The following XKR9 variants were observed in gnomAD, a reference collection of about 807,000 sequenced individuals.
The protein encoded by XKR9 is XK-related protein 9.
Under a neutral mutation model 32.0 loss-of-function variants are expected in XKR9, and 32 were observed. The observed-to-expected ratio is 1.00, with a 90% confidence interval of 0.76 to 1.34. The LOEUF is 1.34. XKR9 is among the 40% of genes most tolerant of loss of function. The pLI is 0.00. For missense variants in XKR9, 546 were observed against 429.7 expected (o/e 1.27, Z -2.39); for synonymous variants, 168 against 143.4 (o/e 1.17, Z -1.22).
the XKR9 span, among the ~76,000 whole-genome samples, chr8:70,882,480 C>G: frequency 2.6e-5 from 4 of 151,326 alleles, no homozygotes; most frequent in African/African-American, 9.7e-5. Context: ...ACAGTACTGA[C>G]CCTTGTAAAA....
the XKR9 span, among the ~76,000 whole-genome samples, chr8:71,053,335 G>T: frequency 6.6e-6 from 1 of 152,194 alleles, no homozygotes; most frequent in African/African-American, 2.4e-5. Flanking sequence ...CTGATGTGAA[G>T]TCAATGATTC....
chr8:70,744,938 A>T (rs944074866), intron 2 of XKR9, among the ~76,000 whole-genome samples: 2 of 150,134 alleles, frequency 1.3e-5, no homozygotes, highest in Admixed American at 6.6e-5. Flanking sequence ...ATAGTTTTTT[A>T]AAAAGTCTAG....
chr8:70,704,389 T>C (rs1805647443), intron 3 of XKR9, among the ~76,000 whole-genome samples: 1 of 152,162 alleles, frequency 6.6e-6, no homozygotes, highest in Admixed American at 6.5e-5. Context: ...ATGTGTACAT[T>C]TGTAGACAGC....
At chr8:70,720,783 C>T (rs1806253382) in intron 4 of XKR9, among the ~76,000 whole-genome samples, 1 of 152,096 alleles carries the variant, frequency 6.6e-6, no homozygotes, top group Non-Finnish European at 1.5e-5. Flanking sequence ...TGTGTCTCTG[C>T]CATGTTTTGG....
chr8:70,699,948 G>C (rs1805454975), intron 3 of XKR9, among the ~76,000 whole-genome samples: 1 of 151,964 alleles, frequency 6.6e-6, no homozygotes, highest in Non-Finnish European at 1.5e-5. Flanking sequence ...TTCCATCACT[G>C]ATACCCTTTC....
chr8:70,881,220 A>C, the XKR9 span, among the ~76,000 whole-genome samples: 3 of 151,904 alleles, frequency 2.0e-5, no homozygotes, highest in African/African-American at 7.2e-5. Flanking sequence ...CAAGGACTTC[A>C]TGACTAAAAC....
the XKR9 span, among the ~76,000 whole-genome samples, chr8:71,023,137 C>A: frequency 6.6e-6 from 1 of 152,002 alleles, no homozygotes; most frequent in African/African-American, 2.4e-5. Context: ...TGTTGCTGGA[C>A]AATTATTGTG....
the XKR9 span, among the ~76,000 whole-genome samples, chr8:70,804,979 A>G: frequency 3.3e-5 from 5 of 152,194 alleles, no homozygotes; most frequent in East Asian, 9.6e-4. Flanking sequence ...ATACTGGCCA[A>G]TGGGTGAGGC....
chr8:70,952,222 C>T, the XKR9 span, among the ~76,000 whole-genome samples: 1 of 151,518 alleles, frequency 6.6e-6, no homozygotes, highest in Non-Finnish European at 1.5e-5. Flanking sequence ...AGTTACTCTA[C>T]TCTTTTTGTT....
chr8:71,054,240 C>G, the XKR9 span, among the ~76,000 whole-genome samples: 81 of 152,058 alleles, frequency 5.3e-4, 1 homozygote, highest in Non-Finnish European at 6.6e-4. Flanking sequence ...CCAGTCCATA[C>G]TAGTCTGAAG....
the XKR9 span, among the ~76,000 whole-genome samples, chr8:70,851,057 T>A: frequency 2.0e-5 from 3 of 152,194 alleles, no homozygotes; most frequent in Non-Finnish European, 2.9e-5. Context: ...CAAAAACTTG[T>A]TAAGCTGATA....
At chr8:70,963,854 G>A in the XKR9 span, among the ~76,000 whole-genome samples, 1 of 152,148 alleles carries the variant, frequency 6.6e-6, no homozygotes, top group African/African-American at 2.4e-5. Context: ...GTTCCTTGTA[G>A]ATACTGGATA....
the XKR9 span, among the ~76,000 whole-genome samples, chr8:70,824,379 T>C: frequency 1.3e-5 from 2 of 152,118 alleles, no homozygotes; most frequent in African/African-American, 4.8e-5. Context: ...TTCCCTTCTT[T>C]TTGTTAGGTC....
At chr8:70,883,387 CT>C in the XKR9 span, among the ~76,000 whole-genome samples, 2 of 151,782 alleles carry the variant, frequency 1.3e-5, no homozygotes, top group African/African-American at 2.4e-5. Flanking sequence ...GGTCAATAGA[CT>C]CTTAGGTTGG....
intron 2 of XKR9, among the ~76,000 whole-genome samples, chr8:70,787,541 T>G (rs1308777654): frequency 6.6e-6 from 1 of 152,058 alleles, no homozygotes; most frequent in Non-Finnish European, 1.5e-5. Context: ...TAGTCCTGAG[T>G]ACACAGTGCA....
chr8:70,843,980 G>C, the XKR9 span, among the ~76,000 whole-genome samples: 1 of 152,224 alleles, frequency 6.6e-6, no homozygotes, highest in African/African-American at 2.4e-5. Flanking sequence ...GCGGAAGCAT[G>C]ATGCCAGCTG....
At chr8:70,705,659 G>A (rs991633476) in intron 3 of XKR9, among the ~76,000 whole-genome samples, 1 of 152,100 alleles carries the variant, frequency 6.6e-6, no homozygotes, top group African/African-American at 2.4e-5. Context: ...ACCATGGAGG[G>A]CCTTGTAACA....
intron 2 of XKR9, among the ~76,000 whole-genome samples, chr8:70,774,113 A>G (rs1406403137): frequency 6.6e-6 from 1 of 152,102 alleles, no homozygotes; most frequent in Admixed American, 6.6e-5. Flanking sequence ...ATTCTCACCC[A>G]TGCTACATGT....
chr8:71,048,142 T>C, the XKR9 span, among the ~76,000 whole-genome samples: 1 of 152,228 alleles, frequency 6.6e-6, no homozygotes, highest in African/African-American at 2.4e-5. Flanking sequence ...CCATGTTGTA[T>C]AAATATGACA....
Sources: gnomAD v4.1 joint callset for allele counts (sites outside exome capture counted in the v4.1 genomes callset) on GRCh38, gnomAD v4.1.1 for gene constraint, MANE v1.5 for transcripts, NCBI Gene and HGNC (gene_info 2026-07-23, HGNC 2026-07-21) for gene names.